SLC6A7: variants seen among roughly 807,000 people sequenced by gnomAD.
SLC6A7 encodes the protein sodium-dependent proline transporter.
Under a neutral mutation model 73.1 loss-of-function variants are expected in SLC6A7, and 58 were observed. That is an observed-to-expected ratio of 0.79 (90% CI 0.64 to 0.99). The LOEUF is 0.99. Ranked by LOEUF, SLC6A7 falls within the 50% of genes least tolerant of loss-of-function variation. SLC6A7 has a pLI of 0.00. For synonymous variants in SLC6A7, 338 were observed against 338.7 expected, an observed-to-expected ratio of 1.00 and a Z score of 0.02; for missense variants, 783 against 831.4, an observed-to-expected ratio of 0.94 and a Z score of 0.72.
chr5:150,194,834 T>C lies in SLC6A7; in HGVS notation c.140T>C (p.Leu47Pro). Residue 47 changes from leucine to proline, a missense_variant, in exon 2 of 14, where the codon CTG becomes CCG. Transcript: ENST00000230671. ...RGNWTGKLDF[L>P]LSCIGYCVGL... is the part of the protein sequence containing the mutation. ...AACTGGACAGGCAAGCTGGACTTCC[T>C]GCTGTCCTGCATTGGCTACTGTGTA... The C allele has an allele frequency of 1.2e-6, 2 of 1,614,146 alleles. No homozygotes were observed. Among genetic ancestry groups the C allele is most frequent in the Non-Finnish European group, 1.7e-6 (2 of 1,179,986 alleles).
chr5:150,205,671 T>C, intron 13 of SLC6A7, 48 bp downstream of exon 13: 2 of 1,496,454 alleles, frequency 1.3e-6, no homozygotes, highest in Non-Finnish European at 9.1e-7. Flanking sequence ...ACCTGTGGCC[T>C]GACCCTAGGT....
At chr5:150,200,424 C>T (rs1468016428) in intron 5 of SLC6A7, among the ~76,000 whole-genome samples, 2 of 152,090 alleles carry the variant, frequency 1.3e-5, no homozygotes, top group Non-Finnish European at 1.5e-5. Context: ...ACCTGGGAGA[C>T]GGTAGTTGCA....
At chr5:150,208,778 G>T (rs1184498835) in intron 13 of SLC6A7, among the ~76,000 whole-genome samples, 1 of 152,182 alleles carries the variant, frequency 6.6e-6, no homozygotes, top group African/African-American at 2.4e-5. Flanking sequence ...AGGAACTCTG[G>T]AATCTCCAGG....
rs1562078073 is a variant in SLC6A7 at position 150,194,800 on chromosome 5, C to T, written c.106C>T (p.His36Tyr). ...DVDLDVDFAA[H>Y]RGNWTGKLDF... Reference sequence around the variant, plus strand: ...CGACCTGGATGTGGACTTTGCTGCACACCGGGGGAACTGGACAGGCAAGCT... The same window carrying T: ...CGACCTGGATGTGGACTTTGCTGCATACCGGGGGAACTGGACAGGCAAGCT... The change falls in exon 2 of 14, where the codon CAC (histidine) becomes TAC (tyrosine). Residue 36 changes from histidine (H) to tyrosine (Y), a missense_variant. His to Tyr is a moderately conservative substitution (Grantham distance 83). Transcript: ENST00000230671. The T allele has an allele frequency of 1.9e-6, 3 of 1,614,164 alleles. No homozygotes were observed. The highest frequency in any genetic ancestry group is 2.5e-6 in the Non-Finnish European group (3 of 1,180,002).
At chr5:150,191,235 T>C (rs73279828) in intron 1 of SLC6A7, among the ~76,000 whole-genome samples, 9,669 of 152,218 alleles carry the variant, frequency 0.064, 1,023 homozygotes, top group African/African-American at 0.22. Context: ...CAGGCCCCAC[T>C]GGGTGTGTGA....
At position 150,196,783 on chromosome 5, in the gene SLC6A7, C is replaced by T. The variant is rs780659646; in HGVS notation, c.285C>T (p.Leu95=). The T allele has an allele frequency of 6.2e-7, 1 of 1,614,080 alleles. No individual in the cohort carries two copies. Among genetic ancestry groups the T allele is most frequent in the East Asian group, 2.2e-5 (1 of 44,872 alleles). ...GCATCCCCCTCTTCTTCCTGGAGCT[C>T]TCCCTGGGCCAGTTCTCCAGCCTAG... ...ICGIPLFFLE[L]SLGQFSSLGP... is the part of the protein sequence containing the mutation. The change falls in exon 3 of 14, where the codon CTC becomes CTT. Residue 95 remains leucine (L), a synonymous_variant. Coordinates refer to ENST00000230671, the MANE Select transcript of SLC6A7 (RefSeq NM_014228.5).
At chr5:150,191,512 G>T (rs551307420) in intron 1 of SLC6A7, among the ~76,000 whole-genome samples, 7 of 150,858 alleles carry the variant, frequency 4.6e-5, no homozygotes, top group African/African-American at 1.7e-4. Flanking sequence ...CTCACTGCAA[G>T]CTCTGCCTCC....
At chr5:150,196,889 C>A in intron 3 of SLC6A7, 42 bp downstream of exon 3, 1 of 1,594,864 alleles carries the variant, frequency 6.3e-7, no homozygotes, top group South Asian at 1.1e-5. Flanking sequence ...GGCTCAGGGT[C>A]TGGGGGAGGC....
Position 150,197,216 on chromosome 5 carries a change from G to A in SLC6A7, c.524G>A (p.Gly175Asp), listed in dbSNP as rs760695982. The change falls in exon 4 of 14, where the codon GGC becomes GAC. Residue 175 changes from glycine to aspartate, a missense_variant. By Grantham distance (94) the Gly-to-Asp change is moderately conservative. Coordinates refer to ENST00000230671, the MANE Select transcript of SLC6A7 (RefSeq NM_014228.5). ...CTGGAGCACAGAGTCTCCAAGGACG[G>A]CAACGGGGCCCTGCCCCTCAACCTC... ...LCLEHRVSKDGNGALPLNLTC... is the reference protein window; with the variant it reads ...LCLEHRVSKDDNGALPLNLTC... 5.6e-6 allele frequency: 9 copies of A among 1,613,808 alleles called. No homozygotes were observed. The Admixed American group carries it at 1.5e-4, about 27-fold the overall frequency.
Position 150,194,898 on chromosome 5 carries a change from C to T in SLC6A7, c.204C>T (p.Tyr68=), listed in dbSNP as rs765840305. ...TCTGGCGCTTCCCCTATCGAGCGTA[C>T]ACCAATGGAGGAGGTATGGGCCTGA... The part of the protein sequence containing the change: ...GNVWRFPYRA[Y]TNGGGAFLVP... Residue 68 remains tyrosine (Y), a synonymous_variant, in exon 2 of 14, where the codon TAC becomes TAT. Transcript: ENST00000230671. 1.5e-5 allele frequency: 24 copies of T among 1,613,730 alleles called. No homozygotes were observed. In the East Asian group the frequency reaches 5.1e-4, roughly 34 times the overall value.
intron 13 of SLC6A7, 88 bp from the exon 14 acceptor site, chr5:150,209,318 C>T (rs1753848181): frequency 2.8e-6 from 3 of 1,085,828 alleles, no homozygotes; most frequent in Admixed American, 3.5e-5. Context: ...GTGATGTGGT[C>T]AGGTGTTTGC....
chr5:150,197,046 C>T lies in SLC6A7; in HGVS notation c.354C>T (p.Ala118=), dbSNP rs755899025. The T allele has an allele frequency of 6.2e-5, 100 of 1,613,424 alleles. No homozygotes were observed. The highest frequency in any genetic ancestry group is 7.4e-5 in the Non-Finnish European group (87 of 1,179,636). Reference sequence around the variant, plus strand: ...AGCAGCCTCTCCCCACACCAGGCGCCGGCGCAGCCATGCTGCTCATCGTGG... The same window carrying T: ...AGCAGCCTCTCCCCACACCAGGCGCTGGCGCAGCCATGCTGCTCATCGTGG... The part of the protein sequence containing the change: ...VWKISPLFKG[A]GAAMLLIVGL... The change falls in exon 4 of 14, where the codon GCC becomes GCT. Residue 118 remains alanine, a synonymous_variant. Coordinates refer to ENST00000230671, the MANE Select transcript of SLC6A7 (RefSeq NM_014228.5).
chr5:150,205,579 G>A lies in SLC6A7; in HGVS notation c.1657G>A (p.Gly553Ser), dbSNP rs1365779740. The A allele has an allele frequency of 1.2e-6, 2 of 1,613,470 alleles. No individual in the cohort carries two copies. The highest frequency in any genetic ancestry group is 8.5e-7 in the Non-Finnish European group (1 of 1,179,786). Reference protein sequence around the residue: ...GLLSCLMIPAGMLVAVLREEG... With the variant: ...GLLSCLMIPASMLVAVLREEG... ...GCTGTCCTGCCTCATGATCCCAGCT[G>A]GCATGCTGGTGGCTGTGCTTCGAGA... Residue 553 changes from glycine (G) to serine (S), a missense_variant, in exon 13 of 14, where the codon GGC becomes AGC. Coordinates refer to ENST00000230671, the MANE Select transcript of SLC6A7 (RefSeq NM_014228.5).
chr5:150,195,018 GGC>G, intron 2 of SLC6A7, 107 bp downstream of exon 2: 3 of 937,600 alleles, frequency 3.2e-6, no homozygotes, highest in Non-Finnish European at 4.9e-6. Flanking sequence ...GGCGACCTTG[GGC>G]AGAACTCATT....
rs1753352716 is a variant in SLC6A7 at position 150,201,069 on chromosome 5, C to T, written c.724-20C>T. On this transcript the variant is annotated intron_variant, in intron 5 of 13. Transcript: ENST00000230671. ...GTCAAGGTCCCCGATGCCATCAGCT[C>T]CTCACTTATCATCTCTCAGGTGGTG... 1 of 1,612,672 alleles carries T rather than the reference C, an allele frequency of 6.2e-7. No homozygotes were observed. Among genetic ancestry groups the T allele is most frequent in the South Asian group, 1.1e-5 (1 of 91,038 alleles).
At chr5:150,195,469 G>A (rs565584432) in intron 2 of SLC6A7, among the ~76,000 whole-genome samples, 4 of 152,298 alleles carry the variant, frequency 2.6e-5, no homozygotes, top group Admixed American at 1.3e-4. Context: ...GGGGCTGAGC[G>A]CCTACCACCT....
intron 3 of SLC6A7, 85 bp from the exon 4 acceptor site, chr5:150,196,957 G>A (rs1753058347): frequency 6.5e-7 from 1 of 1,532,308 alleles, no homozygotes; most frequent in East Asian, 2.3e-5. Flanking sequence ...GTGAAGCCCA[G>A]ATAGCTGCCA....
At chr5:150,193,396 G>T (rs559699433) in intron 1 of SLC6A7, among the ~76,000 whole-genome samples, 1 of 152,156 alleles carries the variant, frequency 6.6e-6, no homozygotes, top group Non-Finnish European at 1.5e-5. Flanking sequence ...CACAGATCAC[G>T]GCTTAAGTAC....
Position 150,210,210 on chromosome 5 carries a change from G to T in SLC6A7, c.*595G>T. On this transcript the variant is annotated 3_prime_UTR_variant, in exon 14 of 14. Coordinates refer to ENST00000230671, the MANE Select transcript of SLC6A7 (RefSeq NM_014228.5). ...CTCCTGAAGGAGGTGGGAGCTGAGG[G>T]CCCTGGAGGATGGGGAAGGTTTGCA... is the stretch of plus-strand genomic sequence containing the variant. 1 of 159,276 alleles carries T rather than the reference G, an allele frequency of 6.3e-6. No homozygotes were observed. 9.9% of individuals were successfully genotyped at this position (159,276 alleles called of 1,614,324 possible).
Sources: gnomAD v4.1 joint callset for allele counts (sites outside exome capture counted in the v4.1 genomes callset) on GRCh38, gnomAD v4.1.1 for gene constraint, MANE v1.5 for transcripts, NCBI Gene and HGNC (gene_info 2026-07-23, HGNC 2026-07-21) for gene names.